The following PCDHA3 variants were observed in gnomAD, a reference collection of about 807,000 sequenced individuals.
The protein encoded by PCDHA3 is protocadherin alpha 3.
In PCDHA3, 41 loss-of-function variants were observed where a neutral mutation model predicts 62.2. The observed-to-expected ratio is 0.66, with a 90% CI of 0.51 to 0.86. The LOEUF is 0.86. Among genes scored for constraint, PCDHA3 ranks in the 40% least tolerant of loss-of-function variants. The pLI is 0.00. For synonymous variants in PCDHA3, 640 were observed against 555.4 expected, an observed-to-expected ratio of 1.15 and a Z score of -2.14; for missense variants, 1,304 against 1,241.2, an observed-to-expected ratio of 1.05 and a Z score of -0.76.
At chr5:140,996,129 G>A (rs190965499) in intron 3 of PCDHA3, among the ~76,000 whole-genome samples, 1 of 152,210 alleles carries the variant, frequency 6.6e-6, no homozygotes, top group Non-Finnish European at 1.5e-5. Flanking sequence ...TGGTGTAGAG[G>A]GTTCTCCCAT....
Position 140,858,656 on chromosome 5 carries a change from T to A in PCDHA3, c.2394+55065T>A, listed in dbSNP as rs1562540116. 9 of 783,778 alleles carry A rather than the reference T, an allele frequency of 1.1e-5. 2 individuals are homozygous for A. The highest frequency in any genetic ancestry group is 1.6e-5 in the Non-Finnish European group (8 of 509,472). 48.6% of individuals were successfully genotyped at this position (783,778 alleles called of 1,614,324 possible). A position where few individuals can be genotyped will look rare whatever the true frequency, so the allele number is the denominator to read the frequency against. On this transcript the variant is annotated intron_variant, in intron 1 of 3. Transcript: ENST00000522353. ...CCTTTGATTGGTACTTAAATTTTTTTAAATAACAATTTATTCTGAATACAC... is the reference window on the plus strand; with the variant it reads ...CCTTTGATTGGTACTTAAATTTTTTAAAATAACAATTTATTCTGAATACAC...
At chr5:140,959,614 G>T (rs1175211325) in intron 1 of PCDHA3, among the ~76,000 whole-genome samples, 1 of 152,024 alleles carries the variant, frequency 6.6e-6, no homozygotes, top group African/African-American at 2.4e-5. Context: ...TTTCTTGCTT[G>T]TGATAGAAAA....
chr5:140,884,120 G>C, intron 1 of PCDHA3: 2 of 1,613,324 alleles, frequency 1.2e-6, no homozygotes, highest in South Asian at 2.2e-5. Flanking sequence ...GGCGGTCGGC[G>C]CGCGCATCCC....
At chr5:140,832,741 C>T (rs1477110560) in intron 1 of PCDHA3, among the ~76,000 whole-genome samples, 7 of 152,038 alleles carry the variant, frequency 4.6e-5, no homozygotes, top group African/African-American at 1.4e-4. Context: ...TACATAAATA[C>T]GATGATAGTA....
rs2150441857 is a variant in PCDHA3 at position 140,849,593 on chromosome 5, G to T, written c.2394+46002G>T. ...CTGTAAAAGAGGACGCACAACTGGGGACAGTTATTGCCCTGATTAGTGTGA... is the reference window on the plus strand; with the variant it reads ...CTGTAAAAGAGGACGCACAACTGGGTACAGTTATTGCCCTGATTAGTGTGA... On this transcript the variant is annotated intron_variant, in intron 1 of 3. Transcript: ENST00000522353. The T allele has an allele frequency of 3.0e-5, 48 of 1,598,606 alleles. 4 individuals carry two copies. Among genetic ancestry groups the T allele is most frequent in the African/African-American group, 1.1e-4 (8 of 74,332 alleles).
chr5:140,966,410 A>G lies in PCDHA3; in HGVS notation c.2395-12539A>G, dbSNP rs530944149. The G allele has an allele frequency of 1.9e-3, 807 of 419,248 alleles. 2 individuals carry two copies. Among genetic ancestry groups the G allele is most frequent in the South Asian group, 7.3e-3 (70 of 9,536 alleles). The allele number at this position is 419,248 out of a possible 1,614,324, so 26.0% of individuals were successfully genotyped here. The stretch of plus-strand genomic sequence containing the variant: ...GTCCGCCACTTCGGCGCGGAATCAG[A>G]GCAGGACTTGCTGAGCCCTCCTACC... On this transcript the variant is annotated intron_variant, in intron 1 of 3. Coordinates refer to ENST00000522353, the MANE Select transcript of PCDHA3 (RefSeq NM_018906.3).
Position 140,824,357 on chromosome 5 carries a change from A to G in PCDHA3, c.2394+20766A>G, listed in dbSNP as rs1348409410. On this transcript the variant is annotated intron_variant, in intron 1 of 3. Coordinates refer to ENST00000522353, the MANE Select transcript of PCDHA3 (RefSeq NM_018906.3). ...AAGTGTTTTTAAAATAATATTTTAT[A>G]TTAGCATTTGAATTTTGCATCTCTA... 8 of 580,340 alleles carry G rather than the reference A, an allele frequency of 1.4e-5. No homozygotes were observed. The East Asian group carries it at 2.1e-4, about 15-fold the overall frequency. The allele number at this position is 580,340 out of a possible 1,614,324, so 35.9% of individuals were successfully genotyped here.
chr5:140,848,532 C>T, intron 1 of PCDHA3: 2 of 1,594,974 alleles, frequency 1.3e-6, no homozygotes, highest in Non-Finnish European at 1.7e-6. Context: ...AGAGGGTCAG[C>T]CTCTACTGCT....
At position 140,802,518 on chromosome 5, in the gene PCDHA3, G is replaced by C. The variant is rs577444100; in HGVS notation, c.1321G>C (p.Val441Leu). Residue 441 changes from valine to leucine, a missense_variant, in exon 1 of 4, where the codon GTG (valine) becomes CTG (leucine). Transcript: ENST00000522353. ...GSPSLWATASVSVEVADVNDN... is the reference protein window; with the variant it reads ...GSPSLWATASLSVEVADVNDN... ...GCCTTCACTGTGGGCCACGGCCAGC[G>C]TGTCCGTGGAGGTGGCCGACGTGAA... 1.9e-6 allele frequency: 3 copies of C among 1,614,016 alleles called. No homozygotes were observed. The highest frequency in any genetic ancestry group is 2.2e-5 in the South Asian group (2 of 91,082).
Position 140,848,391 on chromosome 5 carries a change from G to A in PCDHA3, c.2394+44800G>A. ...GGCTCAATTCTTTTTCACTCTCTCTGTGCTGAACGATGGCGAACACAGCAG... is the reference window on the plus strand; with the variant it reads ...GGCTCAATTCTTTTTCACTCTCTCTATGCTGAACGATGGCGAACACAGCAG... On this transcript the variant is annotated intron_variant, in intron 1 of 3. Coordinates refer to ENST00000522353, the MANE Select transcript of PCDHA3 (RefSeq NM_018906.3). The A allele has an allele frequency of 2.4e-6, 3 of 1,246,922 alleles. No homozygotes were observed. In the South Asian group the frequency reaches 4.3e-5, roughly 18 times the overall value. 77.2% of individuals were successfully genotyped at this position (1,246,922 alleles called of 1,614,324 possible).
chr5:140,885,011 C>T (rs545880418), intron 1 of PCDHA3, among the ~76,000 whole-genome samples: 16 of 152,240 alleles, frequency 1.1e-4, no homozygotes, highest in Admixed American at 5.9e-4. Context: ...TGAGGCTAAT[C>T]GTAATCTTAA....
chr5:140,836,475 G>T, intron 1 of PCDHA3: 1 of 1,613,846 alleles, frequency 6.2e-7, no homozygotes, highest in Non-Finnish European at 8.5e-7. Flanking sequence ...GGATGTCAAC[G>T]TGTACCTGAT....
At chr5:140,967,609 C>T (rs1026350659) in intron 1 of PCDHA3, 26 of 1,614,056 alleles carry the variant, frequency 1.6e-5, no homozygotes, top group Middle Eastern at 1.6e-4. Flanking sequence ...AGCTGAATGC[C>T]TCAGACCCGG....
chr5:140,828,220 C>T (rs1181528476), intron 1 of PCDHA3: 3 of 1,613,934 alleles, frequency 1.9e-6, no homozygotes, highest in Non-Finnish European at 1.7e-6. Flanking sequence ...AACACGGCAC[C>T]TTCGTGGGCC....
chr5:141,008,359 G>A (rs1369587129), intron 3 of PCDHA3, among the ~76,000 whole-genome samples: 1 of 152,150 alleles, frequency 6.6e-6, no homozygotes, highest in Non-Finnish European at 1.5e-5. Flanking sequence ...GTCAACCAAA[G>A]GAGCAGTGTT....
chr5:140,825,854 C>T (rs1554130384), intron 1 of PCDHA3: 2 of 152,390 alleles, frequency 1.3e-5, no homozygotes. Context: ...GATACAAACT[C>T]CCCTCTTGAG....
intron 1 of PCDHA3, chr5:140,861,740 T>C (rs1443034121): frequency 1.3e-5 from 2 of 159,082 alleles, no homozygotes; most frequent in Non-Finnish European, 2.7e-5. Flanking sequence ...TTACATACTG[T>C]GCCGCAATGA....
At chr5:140,929,782 A>G (rs574140858) in intron 1 of PCDHA3, 12 of 168,464 alleles carry the variant, frequency 7.1e-5, no homozygotes, top group Non-Finnish European at 1.6e-4. Context: ...AGATGTAAAA[A>G]TAAATTACAA....
chr5:140,953,536 A>G (rs2094900021), intron 1 of PCDHA3, among the ~76,000 whole-genome samples: 1 of 152,124 alleles, frequency 6.6e-6, no homozygotes, highest in Non-Finnish European at 1.5e-5. Flanking sequence ...AACTCACTTC[A>G]TGCTGATTCT....
Sources: allele counts gnomAD v4.1 joint callset (sites outside exome capture counted in the v4.1 genomes callset), GRCh38; gene constraint gnomAD v4.1.1; transcripts MANE v1.5; gene names NCBI Gene and HGNC (gene_info 2026-07-23, HGNC 2026-07-21).